The following GRIK2 variants were observed in gnomAD, a reference collection of about 807,000 sequenced individuals.
GRIK2 encodes the protein glutamate ionotropic receptor kainate type subunit 2.
A neutral mutation model predicts 100.3 loss-of-function variants in GRIK2; 32 were observed. The observed-to-expected ratio is 0.32, with a 90% confidence interval of 0.24 to 0.43. The LOEUF is 0.43. GRIK2 is among the 20% of genes least tolerant of loss of function. The pLI is 1.00. For synonymous variants in GRIK2, 417 were observed against 389.4 expected (o/e 1.07, Z -0.83); for missense variants, 843 against 1,114.9 (o/e 0.76, Z 3.47).
intron 4 of GRIK2, among the ~76,000 whole-genome samples, chr6:101,673,249 A>G (rs899573104): frequency 1.3e-5 from 2 of 152,214 alleles, no homozygotes; most frequent in African/African-American, 2.4e-5. Context: ...CAACAAACAT[A>G]TGAACCAATG....
intron 11 of GRIK2, among the ~76,000 whole-genome samples, chr6:101,888,753 T>G (rs1786837350): frequency 6.6e-6 from 1 of 152,200 alleles, no homozygotes; most frequent in Non-Finnish European, 1.5e-5. Context: ...CTCTAACTCT[T>G]GACGGTGAAC....
intron 12 of GRIK2, among the ~76,000 whole-genome samples, chr6:101,896,627 C>T (rs1351983155): frequency 6.6e-6 from 1 of 151,502 alleles, no homozygotes; most frequent in East Asian, 1.9e-4. Context: ...TTTTCAAATT[C>T]TATGGATAAA....
intron 2 of GRIK2, among the ~76,000 whole-genome samples, chr6:101,514,323 A>G (rs373228473): frequency 8.6e-4 from 131 of 152,218 alleles, no homozygotes; most frequent in African/African-American, 3.1e-3. Context: ...GCCAGTTTAG[A>G]TAAAACGACA....
chr6:101,899,372 C>A (rs1219967552), intron 12 of GRIK2, among the ~76,000 whole-genome samples: 2 of 151,482 alleles, frequency 1.3e-5, no homozygotes, highest in African/African-American at 4.8e-5. Flanking sequence ...GTTTGGAAGC[C>A]CAGAAATTCA....
chr6:101,962,072 C>T (rs1460938680), intron 14 of GRIK2, among the ~76,000 whole-genome samples: 2 of 152,214 alleles, frequency 1.3e-5, no homozygotes, highest in South Asian at 2.1e-4. Flanking sequence ...TCTGACATTC[C>T]AGAAATCAGC....
chr6:101,767,175 A>G (rs1778091144), intron 7 of GRIK2, among the ~76,000 whole-genome samples: 1 of 152,194 alleles, frequency 6.6e-6, no homozygotes, highest in Non-Finnish European at 1.5e-5. Flanking sequence ...TGGTCCATTA[A>G]TTCTGCGGTT....
At chr6:101,945,424 G>T (rs1263824246) in intron 14 of GRIK2, among the ~76,000 whole-genome samples, 1 of 152,046 alleles carries the variant, frequency 6.6e-6, no homozygotes, top group Non-Finnish European at 1.5e-5. Flanking sequence ...CATTCTAACA[G>T]AGGGCAATGC....
At chr6:101,753,962 G>A (rs1362378467) in intron 7 of GRIK2, among the ~76,000 whole-genome samples, 11 of 151,908 alleles carry the variant, frequency 7.2e-5, no homozygotes, top group Non-Finnish European at 1.3e-4. Context: ...TGAATTAATT[G>A]AAGCTATCCA....
At chr6:101,647,444 A>G (rs570214278) in intron 4 of GRIK2, among the ~76,000 whole-genome samples, 21 of 152,110 alleles carry the variant, frequency 1.4e-4, no homozygotes, top group African/African-American at 3.6e-4. Flanking sequence ...CACTGTATGC[A>G]TTTTTGAAGA....
At chr6:101,810,512 A>G (rs938382192) in intron 9 of GRIK2, among the ~76,000 whole-genome samples, 8 of 152,068 alleles carry the variant, frequency 5.3e-5, no homozygotes, top group South Asian at 2.1e-4. Context: ...TCTTTGCCCT[A>G]TCCTTATAGG....
chr6:101,553,439 C>T (rs1776603255), intron 2 of GRIK2, among the ~76,000 whole-genome samples: 1 of 152,096 alleles, frequency 6.6e-6, no homozygotes, highest in Non-Finnish European at 1.5e-5. Context: ...TCTGCTATAA[C>T]CTAACTTAAG....
intron 7 of GRIK2, among the ~76,000 whole-genome samples, chr6:101,699,445 C>A (rs781445688): frequency 6.6e-6 from 1 of 152,080 alleles, no homozygotes; most frequent in Non-Finnish European, 1.5e-5. Context: ...CCATATCAGT[C>A]AAAAGCTATT....
chr6:101,871,542 C>G (rs73496625), intron 11 of GRIK2, among the ~76,000 whole-genome samples: 1,626 of 152,014 alleles, frequency 0.011, 31 homozygotes, highest in African/African-American at 0.037. Flanking sequence ...TGCCCCAACT[C>G]TAGTAATCCC....
At chr6:101,777,068 G>A (rs1441131795) in intron 7 of GRIK2, among the ~76,000 whole-genome samples, 1 of 152,230 alleles carries the variant, frequency 6.6e-6, no homozygotes, top group African/African-American at 2.4e-5. Flanking sequence ...ATTATCTCAT[G>A]CAGTCTGTGT....
intron 14 of GRIK2, among the ~76,000 whole-genome samples, chr6:101,999,847 T>C (rs1794841576): frequency 6.6e-6 from 1 of 152,112 alleles, no homozygotes; most frequent in Non-Finnish European, 1.5e-5. Context: ...TTTCCTTTCT[T>C]CTTTACTGAA....
chr6:101,554,322 A>C (rs1287103757), intron 2 of GRIK2, among the ~76,000 whole-genome samples: 2 of 152,166 alleles, frequency 1.3e-5, no homozygotes, highest in African/African-American at 2.4e-5. Flanking sequence ...CCCAACATGC[A>C]TTCAGAGACA....
chr6:101,878,070 G>GTATAT (rs67537651), intron 11 of GRIK2, among the ~76,000 whole-genome samples: 4,943 of 135,488 alleles, frequency 0.036, 107 homozygotes, highest in East Asian at 0.051. Flanking sequence ...ATCGTGCCAG[G>GTATAT]TATATTATAT....
At chr6:101,836,822 C>T (rs1334483190) in intron 10 of GRIK2, among the ~76,000 whole-genome samples, 4 of 151,388 alleles carry the variant, frequency 2.6e-5, no homozygotes, top group African/African-American at 4.8e-5. Context: ...CACGCCACCA[C>T]GCCTGGCTAA....
intron 4 of GRIK2, among the ~76,000 whole-genome samples, chr6:101,657,523 T>C (rs1322260646): frequency 1.3e-5 from 2 of 152,146 alleles, no homozygotes; most frequent in African/African-American, 2.4e-5. Context: ...CAAATTAACA[T>C]TAAGCAACCT....
Sources: allele counts gnomAD v4.1 joint callset (sites outside exome capture counted in the v4.1 genomes callset), GRCh38; gene constraint gnomAD v4.1.1; transcripts MANE v1.5; gene names NCBI Gene and HGNC (gene_info 2026-07-23, HGNC 2026-07-21).